Variants in SLC30A10 observed in about 807,000 individuals in gnomAD.
The protein encoded by SLC30A10 is calcium/manganese antiporter SLC30A10.
In SLC30A10, 8 loss-of-function variants were observed where a neutral mutation model predicts 21.7. The observed-to-expected ratio is 0.37, with a 90% CI of 0.22 to 0.67. SLC30A10 has a LOEUF of 0.67. Among genes scored for constraint, SLC30A10 ranks in the 30% least tolerant of loss-of-function variants. The pLI, the probability that SLC30A10 is intolerant of heterozygous loss-of-function variation, is 0.58. For missense variants in SLC30A10, 521 were observed against 642.5 expected (o/e 0.81, Z 2.04); for synonymous variants, 272 against 279.4 (o/e 0.97, Z 0.26).
At position 219,911,363 on chromosome 1, in the gene SLC30A10, TAAG is replaced by T. The variant is rs750049639; in HGVS notation, c.*4083_*4085del. On this transcript the variant is annotated 3_prime_UTR_variant, in exon 4 of 4. Transcript: ENST00000366926. ...CTAAGATGAGCTGCTTACCAGGAAC[TAAG>T]AAGAATTAACATCATCAAGTTTAAA... Among the ~76,000 whole-genome samples, 48 of 152,088 alleles carry T rather than the reference TAAG, an allele frequency of 3.2e-4. No individual in the cohort carries two copies. The highest frequency in any genetic ancestry group is 6.5e-4 in the Non-Finnish European group (44 of 67,962).
chr1:219,918,584 T>C lies in SLC30A10; in HGVS notation c.719-90A>G. Reference sequence around the variant, plus strand: ...TTGGGTGTCCGGGTATATGAATATCTGTTACCATTTGGAGTTTTTTGGTTT... The same window carrying C: ...TTGGGTGTCCGGGTATATGAATATCCGTTACCATTTGGAGTTTTTTGGTTT... On this transcript the variant is annotated intron_variant, in intron 2 of 3. Coordinates refer to ENST00000366926, the MANE Select transcript of SLC30A10 (RefSeq NM_018713.3). The surrounding 1 kb of genome is among the most constrained non-coding windows in gnomAD (Gnocchi z 4.4). The C allele has an allele frequency of 6.8e-7, 1 of 1,479,394 alleles. No individual in the cohort carries two copies. Among genetic ancestry groups the C allele is most frequent in the Non-Finnish European group, 9.0e-7 (1 of 1,113,254 alleles). The allele number at this position is 1,479,394 out of a possible 1,614,324, so 91.6% of individuals were successfully genotyped here. A position where few individuals can be genotyped will look rare whatever the true frequency, so the allele number is the denominator to read the frequency against.
chr1:219,947,489 T>A (rs1660201886), intron 1 of SLC30A10, among the ~76,000 whole-genome samples: 3 of 152,108 alleles, frequency 2.0e-5, no homozygotes, highest in Non-Finnish European at 4.4e-5. Context: ...GCTGTGGTCA[T>A]GCCACTGCAC....
At chr1:219,916,193 CA>C (rs1659540236) in intron 3 of SLC30A10, among the ~76,000 whole-genome samples, 1 of 152,118 alleles carries the variant, frequency 6.6e-6, no homozygotes, top group Non-Finnish European at 1.5e-5. Context: ...AAAAAGTCCC[CA>C]GGGTTGCTGA....
chr1:219,919,424 A>G (rs1659622627), intron 2 of SLC30A10, among the ~76,000 whole-genome samples: 2 of 152,146 alleles, frequency 1.3e-5, no homozygotes, highest in South Asian at 4.1e-4. Context: ...GTTGTTAGAA[A>G]TGATGCATCT....
intron 2 of SLC30A10, among the ~76,000 whole-genome samples, chr1:219,924,407 A>G (rs1776052): frequency 0.85 from 129,265 of 152,106 alleles, 55,349 homozygotes; most frequent in African/African-American, 0.96. Context: ...CAAACTCTCC[A>G]CACCCTGCTT....
In SLC30A10 at chr1:219,927,638, T is replaced by TA. The variant is rs77015523; in HGVS notation, c.640+162dup. On this transcript the variant is annotated intron_variant, in intron 1 of 3. Transcript: ENST00000366926. ...GGGATTGTAAAGGGAATGGATTTAT[T>TA]AAAAAAAAAAAAAAAAAAAAAAAAA... Among the ~76,000 whole-genome samples, 123 of 53,400 alleles carry TA rather than the reference T, an allele frequency of 2.3e-3. 5 individuals are homozygous for TA. Among genetic ancestry groups the TA allele is most frequent in the Non-Finnish European group, 3.4e-3 (92 of 27,178 alleles). The allele number at this position is 53,400 out of a possible 152,430, so 35.0% of individuals were successfully genotyped here.
intron 2 of SLC30A10, among the ~76,000 whole-genome samples, chr1:219,926,160 T>C (rs1035299299): frequency 1.3e-5 from 2 of 152,186 alleles, no homozygotes; most frequent in South Asian, 2.1e-4. Context: ...ATTTTCCCTA[T>C]AGGTTCACTC....
In SLC30A10 at chr1:219,911,164, T is replaced by TTTTTTTTTTG. The variant is rs1558247398; in HGVS notation, c.*4284_*4285insCAAAAAAAAA. 7.6e-5 allele frequency among the ~76,000 whole-genome samples: 11 copies of TTTTTTTTTTG among 145,224 alleles called. No individual in the cohort carries two copies. In the East Asian group the frequency reaches 2.2e-3, roughly 29 times the overall value. On this transcript the variant is annotated 3_prime_UTR_variant, in exon 4 of 4. Transcript: ENST00000366926. ...TTCTACATCAGTTTTTTTTTTTTTT[T>TTTTTTTTTTG]TTTTTTTTTTGCAGTCTTTTACTAC...
At position 219,928,534 on chromosome 1, in the gene SLC30A10, G is replaced by C; in HGVS notation, c.-94C>G. ...TGGGGGGCGCGGCGCGGATCCGTGAGGCCCGGTACCCGCCTCCCAGATTGT... is the reference window on the plus strand; with the variant it reads ...TGGGGGGCGCGGCGCGGATCCGTGACGCCCGGTACCCGCCTCCCAGATTGT... On this transcript the variant is annotated 5_prime_UTR_variant, in exon 1 of 4. Transcript: ENST00000366926. The surrounding 1 kb of genome is among the most constrained non-coding windows in gnomAD (Gnocchi z 6.3). 8.2e-7 allele frequency: 1 copy of C among 1,213,122 alleles called. No individual in the cohort carries two copies. Among genetic ancestry groups the C allele is most frequent in the Non-Finnish European group, 1.1e-6 (1 of 923,004 alleles). The allele number at this position is 1,213,122 out of a possible 1,614,324, so 75.1% of individuals were successfully genotyped here.
chr1:219,954,351 A>G (rs1660314771), intron 1 of SLC30A10, among the ~76,000 whole-genome samples: 1 of 152,008 alleles, frequency 6.6e-6, no homozygotes, highest in South Asian at 2.1e-4. Context: ...GAGAAACAGA[A>G]GGAGAGAGAG....
chr1:219,923,848 T>C (rs563280406), intron 2 of SLC30A10, among the ~76,000 whole-genome samples: 3 of 152,274 alleles, frequency 2.0e-5, no homozygotes, highest in East Asian at 3.9e-4. Context: ...TTACCTGAGG[T>C]TGGGAGTTCA....
intron 2 of SLC30A10, among the ~76,000 whole-genome samples, chr1:219,925,743 C>T (rs1386353651): frequency 6.9e-6 from 1 of 144,672 alleles, no homozygotes; most frequent in Non-Finnish European, 1.5e-5. Flanking sequence ...GCAACCTCCA[C>T]CTCTGGGGTT....
chr1:219,925,651 A>ATATATATATATATAT (rs1317554458), intron 2 of SLC30A10, among the ~76,000 whole-genome samples: 2 of 48,280 alleles, frequency 4.1e-5, no homozygotes, highest in African/African-American at 1.2e-4. Flanking sequence ...ATATATATAT[A>ATATATATATATATAT]TTTTTTTTTT....
In SLC30A10 at chr1:219,953,416, G is replaced by A. The variant is rs943835894; in HGVS notation, n.80+5152C>T. 4.3e-4 allele frequency among the ~76,000 whole-genome samples: 66 copies of A among 151,846 alleles called. 1 individual carries two copies. Among genetic ancestry groups the A allele is most frequent in the Admixed American group, 4.3e-3 (65 of 15,242 alleles). ...TCGAGACCATCCTGGCTAACACGGT[G>A]AAACTCCGTCTCTACTAAAAATACA... On this transcript the variant is annotated intron_variant and non_coding_transcript_variant, in intron 1 of 8. Coordinates refer to the SLC30A10 transcript ENST00000484239.
Position 219,927,820 on chromosome 1 carries a change from G to T in SLC30A10, c.621C>A (p.Thr207=). ...AGGCACCTGCTACGTTTGCGAACAC[G>T]GTCGCCCCCTTCTCCCGCTTCCTTT... The part of the protein sequence containing the change: ...SVERKREKGA[T]VFANVAGDSF... Residue 207 remains threonine, a synonymous_variant, in exon 1 of 4, where the codon ACC becomes ACA. Transcript: ENST00000366926. The T allele has an allele frequency of 1.9e-6, 3 of 1,546,634 alleles. 1 individual carries two copies. Among genetic ancestry groups the T allele is most frequent in the South Asian group, 1.2e-5 (1 of 83,742 alleles).
intron 3 of SLC30A10, among the ~76,000 whole-genome samples, chr1:219,917,252 A>G (rs1030953293): frequency 5.9e-5 from 9 of 152,054 alleles, no homozygotes; most frequent in African/African-American, 2.2e-4. Flanking sequence ...CAGCCTCCCA[A>G]AGTGGTGAGA....
At chr1:219,932,804 G>A (rs1265233153), upstream of SLC30A10, among the ~76,000 whole-genome samples, 2 of 143,740 alleles carry the variant, frequency 1.4e-5, no homozygotes, top group Admixed American at 1.5e-4. Flanking sequence ...GCTCACGCCT[G>A]TAATCCCAGC....
At chr1:219,956,587 T>C (rs1311563439) in intron 1 of SLC30A10, among the ~76,000 whole-genome samples, 1 of 150,466 alleles carries the variant, frequency 6.6e-6, no homozygotes, top group East Asian at 1.9e-4. Context: ...GCCAAGCAGG[T>C]GGATCACTTG....
At position 219,915,986 on chromosome 1, in the gene SLC30A10, G is replaced by A. The variant is rs116597246; in HGVS notation, c.959-38C>T. The A allele has an allele frequency of 1.4e-3, 2,199 of 1,584,556 alleles. 24 individuals carry two copies. The African/African-American group carries it at 0.026, about 19-fold the overall frequency. ...AGAGCAAACAAAAGCCAAGGTGAGC[G>A]CTGCATTTGAAACATGGAACTACAG... On this transcript the variant is annotated intron_variant, in intron 3 of 3. Transcript: ENST00000366926.
Sources: allele counts gnomAD v4.1 joint callset (sites outside exome capture counted in the v4.1 genomes callset), GRCh38; gene constraint gnomAD v4.1.1; non-coding constraint Gnocchi (gnomAD v3.1); transcripts MANE v1.5; gene names NCBI Gene and HGNC (gene_info 2026-07-23, HGNC 2026-07-21).